The following ZC3H12B variants were observed in gnomAD, a reference collection of about 807,000 sequenced individuals.
ZC3H12B encodes zinc finger CCCH-type containing 12B.
ZC3H12B carries 7 observed loss-of-function variants against 43.9 expected under a neutral mutation model. The observed-to-expected ratio is 0.16, with a 90% CI of 0.09 to 0.30. ZC3H12B has a LOEUF of 0.30. Ranked by LOEUF, ZC3H12B falls within the 10% of genes least tolerant of loss-of-function variation. ZC3H12B has a pLI of 1.00. For synonymous variants in ZC3H12B, 222 were observed against 241.7 expected (o/e 0.92, Z 0.76); for missense variants, 475 against 670.2 (o/e 0.71, Z 3.22).
chrX:65,281,800 AC>A, the ZC3H12B span, among the ~76,000 whole-genome samples: 3 of 112,407 alleles, frequency 2.7e-5, no homozygotes, highest in Non-Finnish European at 5.6e-5. Context: ...AACACAGGCA[AC>A]AAAATCAAAG....
chrX:65,104,305 A>C, the ZC3H12B span, among the ~76,000 whole-genome samples: 2 of 112,238 alleles, frequency 1.8e-5, no homozygotes, highest in South Asian at 7.3e-4. Flanking sequence ...AAAACCATGA[A>C]AACCCTAGAA....
the ZC3H12B span, among the ~76,000 whole-genome samples, chrX:65,315,975 C>A: frequency 1.8e-5 from 2 of 111,435 alleles, no homozygotes; most frequent in African/African-American, 6.5e-5. Flanking sequence ...TAAGAAAGAA[C>A]CAAACTGATC....
the ZC3H12B span, chrX:65,272,333 C>G: frequency 9.4e-6 from 1 of 106,143 alleles, no homozygotes; most frequent in African/African-American, 3.8e-5. Context: ...AATTGGTGCT[C>G]TTAGTGATCT....
the ZC3H12B span, among the ~76,000 whole-genome samples, chrX:65,036,054 G>A: frequency 9.0e-6 from 1 of 111,589 alleles, no homozygotes; most frequent in Non-Finnish European, 1.9e-5. Flanking sequence ...TCTTCCTGAG[G>A]TAGCCTGCAG....
At chrX:65,363,262 C>T (rs1000523531), upstream of ZC3H12B, among the ~76,000 whole-genome samples, 4 of 111,113 alleles carry the variant, frequency 3.6e-5, no homozygotes, top group African/African-American at 1.3e-4. Flanking sequence ...CAAAGGATAT[C>T]GGGTATCCCC....
chrX:65,356,799 A>T, the ZC3H12B span: 1 of 199,654 alleles, frequency 5.0e-6, no homozygotes, highest in Non-Finnish European at 9.4e-6. Flanking sequence ...AAGAGACAGC[A>T]GGTTAGACAC....
At chrX:65,496,999 A>G (rs1437126873) in intron 1 of ZC3H12B, 133 bp from the exon 7 acceptor site, 8 of 550,878 alleles carry the variant, frequency 1.5e-5, no homozygotes, top group Non-Finnish European at 2.1e-5. Context: ...AAAAGGAAGA[A>G]AGAAAGAGAG....
chrX:65,378,849 C>T (rs1347841931), intron 2 of ZC3H12B, among the ~76,000 whole-genome samples: 13 of 112,336 alleles, frequency 1.2e-4, no homozygotes, highest in Admixed American at 5.6e-4. Context: ...TGGTGACAGA[C>T]GGCACCTGGA....
At chrX:65,222,839 A>G in the ZC3H12B span, among the ~76,000 whole-genome samples, 2 of 110,549 alleles carry the variant, frequency 1.8e-5, no homozygotes, top group South Asian at 7.6e-4. Flanking sequence ...TGCAATTCAC[A>G]TCAAAATGCC....
chrX:65,148,219 C>T, the ZC3H12B span, among the ~76,000 whole-genome samples: 1 of 110,651 alleles, frequency 9.0e-6, no homozygotes, highest in African/African-American at 3.3e-5. Flanking sequence ...AAGTGTGAGG[C>T]TATGTCGGCT....
chrX:65,107,018 A>T, the ZC3H12B span, among the ~76,000 whole-genome samples: 19 of 111,405 alleles, frequency 1.7e-4, no homozygotes, highest in Non-Finnish European at 3.6e-4. Context: ...GGATACTCAC[A>T]TGAATGTAGG....
At chrX:65,365,109 G>T (rs2066156341), upstream of ZC3H12B, among the ~76,000 whole-genome samples, 1 of 110,820 alleles carries the variant, frequency 9.0e-6, no homozygotes, top group Non-Finnish European at 1.9e-5. Context: ...CAGGCTCTTG[G>T]TATTCAGTGG....
At chrX:65,154,580 C>T in the ZC3H12B span, among the ~76,000 whole-genome samples, 1 of 112,231 alleles carries the variant, frequency 8.9e-6, no homozygotes, top group African/African-American at 3.2e-5. Context: ...TTTAAGATTT[C>T]ACCATTGGCC....
the ZC3H12B span, among the ~76,000 whole-genome samples, chrX:65,334,203 T>A: frequency 8.9e-6 from 1 of 112,195 alleles, no homozygotes. Flanking sequence ...AGGTCATTGC[T>A]CTCAGGAAAC....
the ZC3H12B span, among the ~76,000 whole-genome samples, chrX:65,197,074 C>A: frequency 2.7e-5 from 3 of 111,670 alleles, no homozygotes; most frequent in African/African-American, 9.8e-5. Flanking sequence ...CAGCAAGTGC[C>A]CCCAGGAACT....
At chrX:65,438,463 A>G (rs2067253271) in intron 3 of ZC3H12B, among the ~76,000 whole-genome samples, 1 of 112,035 alleles carries the variant, frequency 8.9e-6, no homozygotes, top group Non-Finnish European at 1.9e-5. Flanking sequence ...TGCCAAGACC[A>G]GCTCAGTCGG....
the ZC3H12B span, among the ~76,000 whole-genome samples, chrX:65,353,686 T>C: frequency 8.9e-6 from 1 of 112,053 alleles, no homozygotes; most frequent in Non-Finnish European, 1.9e-5. Context: ...CCCATCACCA[T>C]GGAGCCAAGC....
In ZC3H12B at chrX:65,415,296, A is replaced by G. The variant is rs141500008; in HGVS notation, n.407+16592A>G. Among the ~76,000 whole-genome samples the G allele has an allele frequency of 6.0e-3, 673 of 112,715 alleles. 6 individuals are homozygous for G. The highest frequency in any genetic ancestry group is 0.02 in the African/African-American group (624 of 31,101). On this transcript the variant is annotated intron_variant and non_coding_transcript_variant, in intron 3 of 5. Coordinates refer to the ZC3H12B transcript ENST00000617377. ...TCTCAGCAAACCTAAAAATTACCCA[A>G]CTTTGTTAATTCTCTCCTGGATGGA...
the ZC3H12B span, among the ~76,000 whole-genome samples, chrX:65,041,116 T>C: frequency 4.4e-5 from 5 of 112,559 alleles, no homozygotes; most frequent in Non-Finnish European, 9.4e-5. Context: ...TCCTTTCTAC[T>C]ATCTTGTTTT....
Sources: allele counts gnomAD v4.1 joint callset (sites outside exome capture counted in the v4.1 genomes callset), GRCh38; gene constraint gnomAD v4.1.1; transcripts MANE v1.5; gene names NCBI Gene and HGNC (gene_info 2026-07-23, HGNC 2026-07-21).